Variants in NFE2L1 observed in about 807,000 individuals in gnomAD.
The protein encoded by NFE2L1 is endoplasmic reticulum membrane sensor NFE2L1.
A neutral mutation model predicts 61.6 loss-of-function variants in NFE2L1; 18 were observed. That is an observed-to-expected ratio of 0.29 (90% CI 0.20 to 0.43). NFE2L1 has a LOEUF of 0.43. Among genes scored for constraint, NFE2L1 ranks in the 20% least tolerant of loss-of-function variants. The pLI is 1.00. For synonymous variants in NFE2L1, 419 were observed against 402.7 expected (o/e 1.04, Z -0.48); for missense variants, 827 against 973.5 (o/e 0.85, Z 2.00).
intron 3 of NFE2L1, among the ~76,000 whole-genome samples, chr17:48,056,830 A>C (rs2037413867): frequency 1.3e-5 from 2 of 152,176 alleles, no homozygotes; most frequent in Admixed American, 1.3e-4. Context: ...AGTGCAAGGG[A>C]GGCAGAGCAT....
At chr17:48,056,808 G>A (rs1265047791) in intron 3 of NFE2L1, among the ~76,000 whole-genome samples, 2 of 152,222 alleles carry the variant, frequency 1.3e-5, no homozygotes, top group South Asian at 2.1e-4. Flanking sequence ...TGGCCAGGCC[G>A]TGGCAACAGA....
At chr17:48,055,133 T>C in intron 2 of NFE2L1, 1 of 1,410,330 alleles carries the variant, frequency 7.1e-7, no homozygotes, top group South Asian at 1.5e-5. Flanking sequence ...TGCTCCTGGG[T>C]CCAGGGCTTC....
rs1447081647 is a variant in NFE2L1 at position 48,058,711 on chromosome 17, T to C, written c.1389T>C (p.Pro463=). 1 of 1,614,208 alleles carries C rather than the reference T, an allele frequency of 6.2e-7. No homozygotes were observed. Among genetic ancestry groups the C allele is most frequent in the South Asian group, 1.1e-5 (1 of 91,086 alleles). ...MDLAIEEGFN[P]VQASQLEEEF... The stretch of plus-strand genomic sequence containing the variant: ...TGGCCATTGAAGAAGGCTTTAACCC[T>C]GTGCAGGCCTCCCAGCTGGAGGAGG... The change falls in exon 6 of 6, where the codon CCT becomes CCC. Residue 463 remains proline, a synonymous_variant. Transcript: ENST00000362042.
chr17:48,049,270 C>T (rs1273513269), intron 1 of NFE2L1: 1 of 152,282 alleles, frequency 6.6e-6, no homozygotes, highest in Non-Finnish European at 1.5e-5. Flanking sequence ...TATCCTTCTG[C>T]TTTGGCTCAG....
At chr17:48,049,680 C>CT (rs2037197514) in intron 1 of NFE2L1, among the ~76,000 whole-genome samples, 1 of 152,136 alleles carries the variant, frequency 6.6e-6, no homozygotes. Context: ...GGCGTCGGCC[C>CT]TTTTCCTTTT....
In NFE2L1 at chr17:48,054,914, G is replaced by A. The variant is rs1231565880; in HGVS notation, c.511-1472G>A. 2.1e-6 allele frequency: 3 copies of A among 1,397,208 alleles called. No individual in the cohort carries two copies. In the Admixed American group the frequency reaches 9.0e-5, roughly 42 times the overall value. The allele number at this position is 1,397,208 out of a possible 1,614,324, so 86.6% of individuals were successfully genotyped here. A position where few individuals can be genotyped will look rare whatever the true frequency, so the allele number is the denominator to read the frequency against. On this transcript the variant is annotated intron_variant, in intron 2 of 5. Coordinates refer to ENST00000362042, the MANE Select transcript of NFE2L1 (RefSeq NM_003204.3). ...TCCTCAGGCCCCTCGGAGCTAGCAA[G>A]GGGCCACCCTTCCAGCCTGGTGTGC...
chr17:48,050,865 T>G lies in NFE2L1; in HGVS notation c.-254T>G. On this transcript the variant is annotated 5_prime_UTR_variant, in exon 2 of 6. Coordinates refer to ENST00000362042, the MANE Select transcript of NFE2L1 (RefSeq NM_003204.3). ...AGGACCTGGACTGGGTTAGGAACAG[T>G]TGTACTTTCAGAGGTGAGGTGTCGA... 1 of 603,422 alleles carries G rather than the reference T, an allele frequency of 1.7e-6. No individual in the cohort carries two copies. The highest frequency in any genetic ancestry group is 2.9e-6 in the Non-Finnish European group (1 of 340,226). 37.4% of individuals were successfully genotyped at this position (603,422 alleles called of 1,614,324 possible).
intron 2 of NFE2L1, among the ~76,000 whole-genome samples, chr17:48,052,087 A>G (rs924056718): frequency 1.3e-5 from 2 of 151,882 alleles, no homozygotes; most frequent in African/African-American, 4.8e-5. Flanking sequence ...TATTGTCCTG[A>G]TAATTCAGAC....
Position 48,059,831 on chromosome 17 carries a change from A to C in NFE2L1, c.*190A>C, listed in dbSNP as rs2037503963. ...GGCTGGCTCAGCTCCACTCGGGTGG[A>C]GTGGAAGTGGCCAGACCATTTAGAC... On this transcript the variant is annotated 3_prime_UTR_variant, in exon 6 of 6. Coordinates refer to ENST00000362042, the MANE Select transcript of NFE2L1 (RefSeq NM_003204.3). This position sits in a 1 kb window ranked among gnomAD's most constrained non-coding sequence, Gnocchi z 6.1. 2.5e-6 allele frequency: 2 copies of C among 804,206 alleles called. No homozygotes were observed. Among genetic ancestry groups the C allele is most frequent in the African/African-American group, 3.5e-5 (2 of 57,884 alleles). The allele number at this position is 804,206 out of a possible 1,614,324, so 49.8% of individuals were successfully genotyped here. A position where few individuals can be genotyped will look rare whatever the true frequency, so the allele number is the denominator to read the frequency against.
chr17:48,058,401 A>T lies in NFE2L1; in HGVS notation c.1079A>T (p.Asn360Ile), dbSNP rs771002235. 1 of 1,614,154 alleles carries T rather than the reference A, an allele frequency of 6.2e-7. No homozygotes were observed. Among genetic ancestry groups the T allele is most frequent in the South Asian group, 1.1e-5 (1 of 91,078 alleles). The change falls in exon 6 of 6, where the codon AAT becomes ATT. Residue 360 changes from asparagine to isoleucine, a missense_variant. Transcript: ENST00000362042. Reference sequence around the variant, plus strand: ...GCCCCCAACACTCCCATCAATCAGAATGTCAGCCTGCATCAGGCGTCCCTG... The same window carrying T: ...GCCCCCAACACTCCCATCAATCAGATTGTCAGCCTGCATCAGGCGTCCCTG... ...SLAPNTPINQ[N>I]VSLHQASLGG...
Position 48,060,658 on chromosome 17 carries a change from G to T in NFE2L1, c.*1017G>T, listed in dbSNP as rs1421161448. 6.5e-6 allele frequency: 1 copy of T among 152,732 alleles called. No homozygotes were observed. Among genetic ancestry groups the T allele is most frequent in the African/African-American group, 2.4e-5 (1 of 41,456 alleles). The allele number at this position is 152,732 out of a possible 1,614,324, so 9.5% of individuals were successfully genotyped here. On this transcript the variant is annotated 3_prime_UTR_variant, in exon 6 of 6. Transcript: ENST00000362042. ...TGCTGTGAGGCAGAGGAATGATGGAGAATCTAGTGTAGCAGCCTCCAGGCA... is the reference window on the plus strand; with the variant it reads ...TGCTGTGAGGCAGAGGAATGATGGATAATCTAGTGTAGCAGCCTCCAGGCA...
intron 2 of NFE2L1, among the ~76,000 whole-genome samples, chr17:48,052,998 T>C (rs2037292799): frequency 6.6e-6 from 1 of 152,196 alleles, no homozygotes; most frequent in African/African-American, 2.4e-5. Context: ...TTTAGCTTCT[T>C]ACAGGGCCAC....
At position 48,051,655 on chromosome 17, in the gene NFE2L1, G is replaced by T. The variant is rs780168569; in HGVS notation, c.510+27G>T. 2.5e-6 allele frequency: 4 copies of T among 1,587,748 alleles called. 1 individual carries two copies. The South Asian group carries it at 4.6e-5, about 18-fold the overall frequency. ...TTAGTGGACCTGTGGTGGGTGTGTG[G>T]GGCCTGGGGCTTGGGGGTGGGCTGG... is the stretch of plus-strand genomic sequence containing the variant. On this transcript the variant is annotated intron_variant, in intron 2 of 5. Transcript: ENST00000362042.
intron 2 of NFE2L1, among the ~76,000 whole-genome samples, chr17:48,052,439 G>A (rs989980722): frequency 2.6e-5 from 4 of 152,130 alleles, no homozygotes; most frequent in Non-Finnish European, 5.9e-5. Context: ...GCCTTAAGTA[G>A]CCGGGAAAGA....
At chr17:48,054,626 T>A in intron 2 of NFE2L1, 1 of 1,057,258 alleles carries the variant, frequency 9.5e-7, no homozygotes, top group African/African-American at 2.3e-5. Context: ...ATTGGCTCCC[T>A]GCTGCAGCCT....
rs961291361 is a variant in NFE2L1, at chr17:48,050,854, G to A, written c.-265G>A. Reference sequence around the variant, plus strand: ...GTGGGCCCTTGAGGACCTGGACTGGGTTAGGAACAGTTGTACTTTCAGAGG... The same window carrying A: ...GTGGGCCCTTGAGGACCTGGACTGGATTAGGAACAGTTGTACTTTCAGAGG... On this transcript the variant is annotated 5_prime_UTR_variant, in exon 2 of 6. Coordinates refer to ENST00000362042, the MANE Select transcript of NFE2L1 (RefSeq NM_003204.3). 1 of 602,786 alleles carries A rather than the reference G, an allele frequency of 1.7e-6. No individual in the cohort carries two copies. The highest frequency in any genetic ancestry group is 2.9e-5 in the Admixed American group (1 of 33,994). The allele number at this position is 602,786 out of a possible 1,614,324, so 37.3% of individuals were successfully genotyped here.
In NFE2L1 at chr17:48,051,337, C is replaced by T; in HGVS notation, c.219C>T (p.Asp73=). Residue 73 remains aspartate (D), a synonymous_variant, in exon 2 of 6, where the codon GAC becomes GAT. Coordinates refer to ENST00000362042, the MANE Select transcript of NFE2L1 (RefSeq NM_003204.3). The part of the protein sequence containing the change: ...DGYGIHPKSI[D]LDNYFTARRL... ...ATGGTATCCACCCCAAGAGCATAGA[C>T]CTGGACAATTACTTCACTGCCCGGC... 6.2e-7 allele frequency: 1 copy of T among 1,614,134 alleles called. No individual in the cohort carries two copies. Among genetic ancestry groups the T allele is most frequent in the Non-Finnish European group, 8.5e-7 (1 of 1,180,028 alleles).
rs1168590745 is a variant in NFE2L1, at chr17:48,059,318, A to G, written c.1996A>G (p.Met666Val). 1 of 1,614,164 alleles carries G rather than the reference A, an allele frequency of 6.2e-7. No homozygotes were observed. The highest frequency in any genetic ancestry group is 1.7e-5 in the Admixed American group (1 of 60,026). Reference protein sequence around the residue: ...RDIRRRGKNKMAAQNCRKRKL... With the variant: ...RDIRRRGKNKVAAQNCRKRKL... ...CATCCGGCGCCGGGGCAAGAACAAGATGGCGGCGCAGAACTGCCGCAAGCG... is the reference window on the plus strand; with the variant it reads ...CATCCGGCGCCGGGGCAAGAACAAGGTGGCGGCGCAGAACTGCCGCAAGCG... The change falls in exon 6 of 6, where the codon ATG becomes GTG. Residue 666 changes from methionine to valine, a missense_variant. Around this residue, in one of 3 missense-constraint regions of NFE2L1, gnomAD observed 74 missense variants for 127.8 expected, o/e 0.58. Coordinates refer to ENST00000362042, the MANE Select transcript of NFE2L1 (RefSeq NM_003204.3). The surrounding 1 kb of genome is among the most constrained non-coding windows in gnomAD (Gnocchi z 6.1).
At chr17:48,057,810 A>G (rs1026348613) in intron 5 of NFE2L1, among the ~76,000 whole-genome samples, 1 of 152,202 alleles carries the variant, frequency 6.6e-6, no homozygotes, top group Non-Finnish European at 1.5e-5. Context: ...TTGTGCGTTA[A>G]TAATAGCTGA....
Sources: allele counts gnomAD v4.1 joint callset (sites outside exome capture counted in the v4.1 genomes callset), GRCh38; gene constraint gnomAD v4.1.1; regional missense constraint gnomAD v4.1.1; non-coding constraint Gnocchi (gnomAD v3.1); transcripts MANE v1.5; gene names NCBI Gene and HGNC (gene_info 2026-07-23, HGNC 2026-07-21).